TRAPPC1: variants seen among roughly 807,000 people sequenced by gnomAD.
TRAPPC1 encodes the protein BET5 homolog.
Under a neutral mutation model 17.2 loss-of-function variants are expected in TRAPPC1, and 10 were observed. That is an observed-to-expected ratio of 0.58 (90% CI 0.36 to 0.99). TRAPPC1 has a LOEUF of 0.99. Among genes scored for constraint, TRAPPC1 ranks in the 50% least tolerant of loss-of-function variants. TRAPPC1 has a pLI of 0.01. For missense variants in TRAPPC1, 163 were observed against 184.4 expected (o/e 0.88, Z 0.67); for synonymous variants, 85 against 74.5 (o/e 1.14, Z -0.72).
chr17:7,931,584 G>A lies in TRAPPC1; in HGVS notation c.100-8C>T, dbSNP rs1390182901. 4 of 1,600,700 alleles carry A rather than the reference G, an allele frequency of 2.5e-6. No homozygotes were observed. The highest frequency in any genetic ancestry group is 1.3e-5 in the African/African-American group (1 of 74,524). Reference sequence around the variant, plus strand: ...GTACATCAGCTTATACTCCTGGAGGGAGAGGGGCAGAGTTAGCTCTCGGTT... The same window carrying A: ...GTACATCAGCTTATACTCCTGGAGGAAGAGGGGCAGAGTTAGCTCTCGGTT... On this transcript the variant is annotated splice_polypyrimidine_tract_variant and splice_region_variant and intron_variant, in intron 1 of 3. Coordinates refer to ENST00000303731, the MANE Select transcript of TRAPPC1 (RefSeq NM_021210.5).
intron 3 of TRAPPC1, 87 bp downstream of exon 3, chr17:7,930,922 AAC>A: frequency 6.5e-7 from 1 of 1,538,476 alleles, no homozygotes; most frequent in Non-Finnish European, 8.8e-7. Context: ...GAGTTGAGCA[AAC>A]ATATAGTAGG....
intron 2 of TRAPPC1, 86 bp from the exon 3 acceptor site, chr17:7,931,235 C>T: frequency 1.3e-6 from 2 of 1,484,060 alleles, no homozygotes; most frequent in Non-Finnish European, 1.8e-6. Context: ...TCGACTCCCT[C>T]TTTATCTAAA....
Position 7,931,028 on chromosome 17 carries a change from G to C in TRAPPC1, c.292C>G (p.His98Asp). 1 of 1,613,954 alleles carries C rather than the reference G, an allele frequency of 6.2e-7. No individual in the cohort carries two copies. The highest frequency in any genetic ancestry group is 8.5e-7 in the Non-Finnish European group (1 of 1,179,984). Residue 98 changes from histidine to aspartate, a missense_variant, in exon 3 of 4, where the codon CAC becomes GAC. Transcript: ENST00000303731. ...GCACTGACCGCACTGTAGATGTGGT[G>C]CAGCACATCTCGGATGGGTCCCACG... ...LGVGPIRDVL[H>D]HIYSALYVEL...
intron 2 of TRAPPC1, 130 bp downstream of exon 2, chr17:7,931,376 G>A (rs963414689): frequency 5.1e-5 from 55 of 1,081,624 alleles, no homozygotes; most frequent in Non-Finnish European, 7.1e-5. Context: ...CTCTCGCTCC[G>A]GACTCAGCCT....
intron 2 of TRAPPC1, 24 bp downstream of exon 2, chr17:7,931,482 A>G: frequency 6.2e-7 from 1 of 1,611,062 alleles, no homozygotes; most frequent in Non-Finnish European, 8.5e-7. Flanking sequence ...CCCTCCTCCC[A>G]ACATCTTCTC....
At chr17:7,931,346 C>A (rs894745735) in intron 2 of TRAPPC1, 160 bp downstream of exon 2, 1 of 1,026,444 alleles carries the variant, frequency 9.7e-7, no homozygotes, top group East Asian at 2.6e-5. Flanking sequence ...TCCCCACCCC[C>A]ACTCCTGCCA....
At chr17:7,930,927 A>G in intron 3 of TRAPPC1, 84 bp downstream of exon 3, 2 of 1,552,010 alleles carry the variant, frequency 1.3e-6, no homozygotes, top group Non-Finnish European at 1.7e-6. Context: ...GAGCAAACAT[A>G]TAGTAGGATT....
In TRAPPC1 at chr17:7,931,629, G is replaced by T. The variant is rs1043738383; in HGVS notation, c.100-53C>A. On this transcript the variant is annotated intron_variant, in intron 1 of 3. Coordinates refer to ENST00000303731, the MANE Select transcript of TRAPPC1 (RefSeq NM_021210.5). ...TCGGTTGATGCGGGAGATGGGGTGG[G>T]GGGTGGGAACGAGCTGGGGTTTGGA... The T allele has an allele frequency of 4.1e-5, 31 of 755,518 alleles. No homozygotes were observed. In the Middle Eastern group the frequency reaches 1.0e-3, roughly 25 times the overall value. The allele number at this position is 755,518 out of a possible 1,614,324, so 46.8% of individuals were successfully genotyped here. A position where few individuals can be genotyped will look rare whatever the true frequency, so the allele number is the denominator to read the frequency against.
In TRAPPC1 at chr17:7,930,510, G is replaced by T; in HGVS notation, c.*96C>A. The stretch of plus-strand genomic sequence containing the variant: ...AGGCTGTTGCTCTGGGCAGGGGGTG[G>T]GGGTGCGGGGGCTTACAGTGGGGGC... On this transcript the variant is annotated 3_prime_UTR_variant, in exon 4 of 4. Coordinates refer to ENST00000303731, the MANE Select transcript of TRAPPC1 (RefSeq NM_021210.5). 6.6e-7 allele frequency: 1 copy of T among 1,525,040 alleles called. No homozygotes were observed. Among genetic ancestry groups the T allele is most frequent in the Non-Finnish European group, 9.0e-7 (1 of 1,111,748 alleles). 94.5% of individuals were successfully genotyped at this position (1,525,040 alleles called of 1,614,324 possible).
chr17:7,930,568 G>A lies in TRAPPC1; in HGVS notation c.*38C>T. 6.2e-7 allele frequency: 1 copy of A among 1,613,170 alleles called. No individual in the cohort carries two copies. The highest frequency in any genetic ancestry group is 1.7e-5 in the Admixed American group (1 of 60,000). On this transcript the variant is annotated 3_prime_UTR_variant, in exon 4 of 4. Coordinates refer to ENST00000303731, the MANE Select transcript of TRAPPC1 (RefSeq NM_021210.5). ...TGGCACAGGTTCGGAAGGGCCCCAG[G>A]CAGACATGAATTCTCCTGAGACTTG...
chr17:7,931,320 C>G, intron 2 of TRAPPC1, 171 bp from the exon 3 acceptor site: 1 of 1,066,050 alleles, frequency 9.4e-7, no homozygotes, highest in Non-Finnish European at 1.3e-6. Flanking sequence ...CCACCAACTT[C>G]TCTACTTTCA....
chr17:7,930,620 C>T lies in TRAPPC1; in HGVS notation c.424G>A (p.Ala142Thr). The change falls in exon 4 of 4, where the codon GCC (alanine) becomes ACC (threonine). Residue 142 changes from alanine to threonine, a missense_variant. Coordinates refer to ENST00000303731, the MANE Select transcript of TRAPPC1 (RefSeq NM_021210.5). ...SYVRSLPFFSARAG is the reference protein window; with the variant it reads ...SYVRSLPFFSTRAG Reference sequence around the variant, plus strand: ...GGTAGGTTGCTTCAGCCAGCCCGGGCGGAGAAGAAGGGCAGAGAGCGAACA... The same window carrying T: ...GGTAGGTTGCTTCAGCCAGCCCGGGTGGAGAAGAAGGGCAGAGAGCGAACA... 6.2e-7 allele frequency: 1 copy of T among 1,613,968 alleles called. No individual in the cohort carries two copies. The highest frequency in any genetic ancestry group is 8.5e-7 in the Non-Finnish European group (1 of 1,180,000).
intron 2 of TRAPPC1, 169 bp downstream of exon 2, chr17:7,931,337 C>T: frequency 9.9e-7 from 1 of 1,007,770 alleles, no homozygotes; most frequent in Non-Finnish European, 1.5e-6. Context: ...TTCAGACCCT[C>T]CCCACCCCCA....
Position 7,930,362 on chromosome 17 carries a change from A to T in TRAPPC1, c.*244T>A. On this transcript the variant is annotated 3_prime_UTR_variant, in exon 4 of 4. Coordinates refer to ENST00000303731, the MANE Select transcript of TRAPPC1 (RefSeq NM_021210.5). Reference sequence around the variant, plus strand: ...GCTCAGGCCGCAGAGAGTGACAAAAAGTTTATTCTGTGCTTCTCGCAGCAT... The same window carrying T: ...GCTCAGGCCGCAGAGAGTGACAAAATGTTTATTCTGTGCTTCTCGCAGCAT... 2.0e-6 allele frequency: 1 copy of T among 511,352 alleles called. No homozygotes were observed. The highest frequency in any genetic ancestry group is 3.5e-6 in the Non-Finnish European group (1 of 282,226). 31.7% of individuals were successfully genotyped at this position (511,352 alleles called of 1,614,324 possible).
In TRAPPC1 at chr17:7,931,890, C is replaced by T. The variant is rs1598046440; in HGVS notation, c.-61G>A. Reference sequence around the variant, plus strand: ...CGCCCCCACTCCTTGGGCTCGGGTTCCCGGACCCACAGCCTTCCAACCAGG... The same window carrying T: ...CGCCCCCACTCCTTGGGCTCGGGTTTCCGGACCCACAGCCTTCCAACCAGG... On this transcript the variant is annotated 5_prime_UTR_variant, in exon 1 of 4. Coordinates refer to ENST00000303731, the MANE Select transcript of TRAPPC1 (RefSeq NM_021210.5). 6.9e-7 allele frequency: 1 copy of T among 1,443,642 alleles called. No individual in the cohort carries two copies. Among genetic ancestry groups the T allele is most frequent in the South Asian group, 1.1e-5 (1 of 87,636 alleles). The allele number at this position is 1,443,642 out of a possible 1,614,324, so 89.4% of individuals were successfully genotyped here. A position where few individuals can be genotyped will look rare whatever the true frequency, so the allele number is the denominator to read the frequency against.
intron 1 of TRAPPC1, 38 bp downstream of exon 1, chr17:7,931,693 G>T (rs1463026166): frequency 6.2e-7 from 1 of 1,603,730 alleles, no homozygotes; most frequent in South Asian, 1.1e-5. Flanking sequence ...GTTTGGAGAT[G>T]AGAGGTCGCC....
intron 1 of TRAPPC1, 50 bp downstream of exon 1, chr17:7,931,681 G>A (rs773174956): frequency 3.4e-5 from 54 of 1,591,444 alleles, no homozygotes; most frequent in Non-Finnish European, 4.6e-5. Context: ...GGGACTATAG[G>A]TGTTTGGAGA....
Position 7,930,744 on chromosome 17 carries a change from G to C in TRAPPC1, c.310-10C>G, listed in dbSNP as rs777067198. 6.2e-7 allele frequency: 1 copy of C among 1,613,342 alleles called. No individual in the cohort carries two copies. Among genetic ancestry groups the C allele is most frequent in the Non-Finnish European group, 8.5e-7 (1 of 1,179,454 alleles). ...CCAGCTCCACATACAGCTATGGAAA[G>C]GGAAGATGTTAGAGCCAGGCTTTGG... On this transcript the variant is annotated splice_polypyrimidine_tract_variant and intron_variant, in intron 3 of 3. Transcript: ENST00000303731.
chr17:7,931,986 G>C (rs1329954756), upstream of TRAPPC1: 2 of 670,516 alleles, frequency 3.0e-6, no homozygotes, highest in African/African-American at 1.8e-5. Flanking sequence ...GGTTTCCACG[G>C]AGCTCCGCCC....
Sources: gnomAD v4.1 joint callset for allele counts on GRCh38, gnomAD v4.1.1 for gene constraint, MANE v1.5 for transcripts, NCBI Gene and HGNC (gene_info 2026-07-23, HGNC 2026-07-21) for gene names.